Variants in TMPRSS13 observed in about 807,000 individuals in gnomAD.
TMPRSS13 encodes transmembrane serine protease 13.
In TMPRSS13, 50 loss-of-function variants were observed where a neutral mutation model predicts 68.4. That is an observed-to-expected ratio of 0.73 (90% CI 0.58 to 0.93). The LOEUF is 0.93. Among genes scored for constraint, TMPRSS13 ranks in the 40% least tolerant of loss-of-function variants. The pLI, the probability that TMPRSS13 is intolerant of heterozygous loss-of-function variation, is 0.00. For synonymous variants in TMPRSS13, 267 were observed against 285.8 expected (o/e 0.93, Z 0.66); for missense variants, 615 against 729.2 (o/e 0.84, Z 1.80).
Position 117,915,846 on chromosome 11 carries a change from T to C in TMPRSS13, c.556+1324A>G, listed in dbSNP as rs985678684. 6.6e-6 allele frequency among the ~76,000 whole-genome samples: 1 copy of C among 152,060 alleles called. No individual in the cohort carries two copies. The highest frequency in any genetic ancestry group is 2.4e-5 in the African/African-American group (1 of 41,388). ...GGCTTTCATGGAGCAGGGTGCCCTG[T>C]AGTGGGAAAGGGAGGGAGGGCAGGG... On this transcript the variant is annotated intron_variant, in intron 3 of 12. Coordinates refer to ENST00000524993, the MANE Select transcript of TMPRSS13 (RefSeq NM_001077263.3). The surrounding 1 kb of genome is among the most constrained non-coding windows in gnomAD (Gnocchi z 4.9).
At chr11:117,920,642 C>A (rs2057635696) in intron 1 of TMPRSS13, among the ~76,000 whole-genome samples, 1 of 152,102 alleles carries the variant, frequency 6.6e-6, no homozygotes, top group Non-Finnish European at 1.5e-5. Context: ...GCACCCGCCA[C>A]CACACCCGGT....
chr11:117,913,980 T>C (rs2057547899), intron 4 of TMPRSS13, 74 bp from the exon 5 acceptor site: 7 of 1,547,554 alleles, frequency 4.5e-6, no homozygotes, highest in Non-Finnish European at 6.1e-6. Context: ...ATGAGCTGAG[T>C]GAGGCTTTGA....
chr11:117,904,172 C>T, intron 10 of TMPRSS13, 71 bp from the exon 11 acceptor site: 1 of 1,544,988 alleles, frequency 6.5e-7, no homozygotes, highest in Non-Finnish European at 8.8e-7. Context: ...TCCTGGCCGT[C>T]CAGCTGCCAC....
intron 3 of TMPRSS13, among the ~76,000 whole-genome samples, chr11:117,916,252 C>G (rs2057577480): frequency 6.6e-6 from 1 of 152,248 alleles, no homozygotes; most frequent in South Asian, 2.1e-4. Context: ...TCCTTCTCCA[C>G]TTTGGTTAGG....
chr11:117,928,379 T>C (rs2057727383), intron 1 of TMPRSS13, among the ~76,000 whole-genome samples: 1 of 152,112 alleles, frequency 6.6e-6, no homozygotes, highest in South Asian at 2.1e-4. Flanking sequence ...CAGAAACACA[T>C]TGGGGGTGCA....
At chr11:117,908,137 C>T in intron 9 of TMPRSS13, 1 of 905,710 alleles carries the variant, frequency 1.1e-6, no homozygotes, top group Non-Finnish European at 1.4e-6. Context: ...TGGTTCCAAT[C>T]CCAGAGCTAC....
At chr11:117,928,457 G>C (rs2057728726) in intron 1 of TMPRSS13, among the ~76,000 whole-genome samples, 1 of 152,204 alleles carries the variant, frequency 6.6e-6, no homozygotes, top group African/African-American at 2.4e-5. Flanking sequence ...CCCAGTGCTA[G>C]CCCATTCTTC....
Position 117,920,143 on chromosome 11 carries a change from A to T in TMPRSS13, c.22-1305T>A, listed in dbSNP as rs149862450. On this transcript the variant is annotated intron_variant, in intron 1 of 12. Coordinates refer to ENST00000524993, the MANE Select transcript of TMPRSS13 (RefSeq NM_001077263.3). ...CTCTGGGTTAGAGAGACCAGGCTGG[A>T]ATTTGGCCTGCCTCTAAGGCAGCTG... is the stretch of plus-strand genomic sequence containing the variant. Among the ~76,000 whole-genome samples, 71 of 152,178 alleles carry T rather than the reference A, an allele frequency of 4.7e-4. 1 individual carries two copies. Among genetic ancestry groups the T allele is most frequent in the African/African-American group, 1.6e-3 (66 of 41,512 alleles).
chr11:117,910,027 T>C, intron 7 of TMPRSS13, 59 bp from the exon 8 acceptor site: 1 of 1,586,822 alleles, frequency 6.3e-7, no homozygotes, highest in East Asian at 2.3e-5. Flanking sequence ...CTTTCCGAGC[T>C]CCTGATCAGG....
At chr11:117,903,476 G>C (rs910950151) in intron 12 of TMPRSS13, 179 bp downstream of exon 12, 10 of 1,539,630 alleles carry the variant, frequency 6.5e-6, no homozygotes, top group Middle Eastern at 1.7e-4. Context: ...GAAAAGCAGG[G>C]AAAGAAACAC....
At chr11:117,918,953 A>T in intron 1 of TMPRSS13, 115 bp from the exon 2 acceptor site, 1 of 1,416,116 alleles carries the variant, frequency 7.1e-7, no homozygotes, top group East Asian at 2.4e-5. Context: ...GGGTTGAGCA[A>T]AGCCCCCCGG....
At chr11:117,919,132 C>T (rs949958524) in intron 1 of TMPRSS13, among the ~76,000 whole-genome samples, 2 of 152,146 alleles carry the variant, frequency 1.3e-5, no homozygotes, top group African/African-American at 2.4e-5. Flanking sequence ...GCTTAGGCTA[C>T]GCATGTCTAG....
chr11:117,925,002 C>T (rs76014645), intron 1 of TMPRSS13, among the ~76,000 whole-genome samples: 4 of 152,280 alleles, frequency 2.6e-5, no homozygotes, highest in Non-Finnish European at 4.4e-5. Context: ...GCTCCTAGGC[C>T]GCCGTGTGAC....
chr11:117,923,918 G>T (rs978617914), intron 1 of TMPRSS13, among the ~76,000 whole-genome samples: 3 of 151,184 alleles, frequency 2.0e-5, no homozygotes, highest in Non-Finnish European at 4.4e-5. Context: ...TGGCCTGAGG[G>T]CGGGTGCATC....
At chr11:117,902,405 A>G (rs2057416861) in intron 12 of TMPRSS13, 140 bp from the exon 13 acceptor site, 5 of 888,662 alleles carry the variant, frequency 5.6e-6, no homozygotes, top group Non-Finnish European at 9.2e-6. Flanking sequence ...GAGCAAAGGG[A>G]AAGGATGGAT....
In TMPRSS13 at chr11:117,903,319, A is replaced by G. The variant is rs1263904813; in HGVS notation, c.1677+336T>C. On this transcript the variant is annotated intron_variant, in intron 12 of 12. Coordinates refer to ENST00000524993, the MANE Select transcript of TMPRSS13 (RefSeq NM_001077263.3). ...AATGCTTGATAACAAAAACTATCAC[A>G]AAATCCTCTGCAGAAACTGAAACGT... 4 of 1,418,852 alleles carry G rather than the reference A, an allele frequency of 2.8e-6. No individual in the cohort carries two copies. The African/African-American group carries it at 4.3e-5, about 15-fold the overall frequency. The allele number at this position is 1,418,852 out of a possible 1,614,324, so 87.9% of individuals were successfully genotyped here. A position where few individuals can be genotyped will look rare whatever the true frequency, so the allele number is the denominator to read the frequency against.
chr11:117,903,489 A>G (rs760264015), intron 12 of TMPRSS13, 166 bp downstream of exon 12: 1 of 1,542,108 alleles, frequency 6.5e-7, no homozygotes, highest in South Asian at 1.2e-5. Context: ...AGAAACACAG[A>G]CAGCTGGGAT....
chr11:117,903,712 T>A lies in TMPRSS13; in HGVS notation c.1620A>T (p.Lys540Asn). The A allele has an allele frequency of 6.2e-7, 1 of 1,613,932 alleles. No homozygotes were observed. The highest frequency in any genetic ancestry group is 8.5e-7 in the Non-Finnish European group (1 of 1,179,948). Reference sequence around the variant, plus strand: ...CTGTCACTTTGGTGTACACACCAGGTTTGTTTCTCTGGCCACAGCCTGTGC... The same window carrying A: ...CTGTCACTTTGGTGTACACACCAGGATTGTTTCTCTGGCCACAGCCTGTGC... ...SWGTGCGQRN[K>N]PGVYTKVTEV... The change falls in exon 12 of 13, where the codon AAA becomes AAT. Residue 540 changes from lysine to asparagine, a missense_variant. By Grantham distance (94) the Lys-to-Asn change is moderately conservative. Coordinates refer to ENST00000524993, the MANE Select transcript of TMPRSS13 (RefSeq NM_001077263.3).
At position 117,904,092 on chromosome 11, in the gene TMPRSS13, G is replaced by T. The variant is rs955190612; in HGVS notation, c.1391C>A (p.Ser464Tyr). The T allele has an allele frequency of 1.9e-6, 3 of 1,613,956 alleles. No individual in the cohort carries two copies. Among genetic ancestry groups the T allele is most frequent in the Non-Finnish European group, 2.5e-6 (3 of 1,179,890 alleles). The change falls in exon 11 of 13, where the codon TCC becomes TAC. Residue 464 changes from serine to tyrosine, a missense_variant. Coordinates refer to ENST00000524993, the MANE Select transcript of TMPRSS13 (RefSeq NM_001077263.3). ...GKTRETDDKT[S>Y]PFLREVQVNL... ...GACCTGCACCTCCCGGAGGAAGGGGGATGTCTTGTCTTCAGTGAAGTGGGG... is the reference window on the plus strand; with the variant it reads ...GACCTGCACCTCCCGGAGGAAGGGGTATGTCTTGTCTTCAGTGAAGTGGGG...
Sources: gnomAD v4.1 joint callset for allele counts (sites outside exome capture counted in the v4.1 genomes callset) on GRCh38, gnomAD v4.1.1 for gene constraint, Gnocchi (gnomAD v3.1) non-coding constraint, MANE v1.5 for transcripts, NCBI Gene and HGNC (gene_info 2026-07-23, HGNC 2026-07-21) for gene names.